The following ASB18 variants were observed in gnomAD, a reference collection of about 807,000 sequenced individuals.
ASB18 encodes the protein ankyrin repeat and SOCS box containing 18.
In ASB18, 33 loss-of-function variants were observed where a neutral mutation model predicts 33.4. The ratio of observed to expected loss-of-function variants is 0.99; its 90% CI spans 0.75 to 1.32. The LOEUF (loss-of-function observed/expected upper bound fraction) is 1.32, where lower values mean the gene tolerates loss of function less well. Ranked by LOEUF, ASB18 falls within the 40% of genes most tolerant of loss-of-function variation. ASB18 has a pLI of 0.00. For missense variants in ASB18, 694 were observed against 655.5 expected, an observed-to-expected ratio of 1.06 and a Z score of -0.64; for synonymous variants, 295 against 307.6, an observed-to-expected ratio of 0.96 and a Z score of 0.43.
intron 1 of ASB18, among the ~76,000 whole-genome samples, chr2:236,242,464 G>A (rs1364201817): frequency 1.3e-5 from 2 of 152,156 alleles, no homozygotes; most frequent in Non-Finnish European, 2.9e-5. Context: ...TGGGTGCTAT[G>A]AATTGTTTGT....
In ASB18 at chr2:236,263,385, G is replaced by T. The variant is rs1458265856; in HGVS notation, c.205+756C>A. ...CCTGCAAAGAAAGGATGGGCGACAG[G>T]CAGTGAAGAATTACCAGTGTGTGCT... On this transcript the variant is annotated intron_variant, in intron 1 of 5. Coordinates refer to ENST00000409749, the MANE Select transcript of ASB18 (RefSeq NM_212556.4). The surrounding 1 kb of genome is among the most constrained non-coding windows in gnomAD (Gnocchi z 4.0). Among the ~76,000 whole-genome samples the T allele has an allele frequency of 1.3e-5, 2 of 152,170 alleles. No homozygotes were observed. Among genetic ancestry groups the T allele is most frequent in the Non-Finnish European group, 2.9e-5 (2 of 68,028 alleles).
chr2:236,241,015 G>T lies in ASB18; in HGVS notation c.328+265C>A, dbSNP rs559160248. ...CGGGCAGCTCCACACCTAAACCAATGCTCCTTTGTAAAGACAAGAGGCACA... is the reference window on the plus strand; with the variant it reads ...CGGGCAGCTCCACACCTAAACCAATTCTCCTTTGTAAAGACAAGAGGCACA... On this transcript the variant is annotated intron_variant, in intron 2 of 5. Coordinates refer to ENST00000409749, the MANE Select transcript of ASB18 (RefSeq NM_212556.4). The surrounding 1 kb of genome is among the most constrained non-coding windows in gnomAD (Gnocchi z 4.2). 6.6e-6 allele frequency among the ~76,000 whole-genome samples: 1 copy of T among 152,234 alleles called. No homozygotes were observed. The highest frequency in any genetic ancestry group is 1.9e-4 in the East Asian group (1 of 5,170).
At chr2:236,258,769 C>A (rs961485561) in intron 1 of ASB18, among the ~76,000 whole-genome samples, 1 of 152,196 alleles carries the variant, frequency 6.6e-6, no homozygotes, top group African/African-American at 2.4e-5. Context: ...CCCACCTATA[C>A]ATGACGCTGG....
Position 236,238,266 on chromosome 2 carries a change from A to T in ASB18, c.329-310T>A, listed in dbSNP as rs1559335453. On this transcript the variant is annotated intron_variant, in intron 2 of 5. Transcript: ENST00000409749. This position sits in a 1 kb window ranked among gnomAD's most constrained non-coding sequence, Gnocchi z 5.2. Reference sequence around the variant, plus strand: ...TTGCCAAATACGGGGGTGACTGGGAAATGGGGTCAGTTAAAAGCTGTCCAA... The same window carrying T: ...TTGCCAAATACGGGGGTGACTGGGATATGGGGTCAGTTAAAAGCTGTCCAA... Among the ~76,000 whole-genome samples, 1 of 152,032 alleles carries T rather than the reference A, an allele frequency of 6.6e-6. No homozygotes were observed. Among genetic ancestry groups the T allele is most frequent in the Non-Finnish European group, 1.5e-5 (1 of 67,992 alleles).
At chr2:236,206,179 T>C (rs898980774) in intron 4 of ASB18, among the ~76,000 whole-genome samples, 2 of 147,362 alleles carry the variant, frequency 1.4e-5, no homozygotes, top group African/African-American at 5.3e-5. Flanking sequence ...CTTTCTCTTT[T>C]AGTTTCTTGG....
At position 236,237,361 on chromosome 2, in the gene ASB18, CGGGGGCCGGGGCCGGGGCGCG is replaced by C. The variant is rs2060597816; in HGVS notation, c.596+307_596+327del. Reference sequence around the variant, plus strand: ...CGGGGGCCGGGGCCGGGGCGCGGGGCGGGGGCCGGGGCCGGGGCGCGGGGCGGGGGCCGGGGCCGGGGCGCG... The same window carrying C: ...CGGGGGCCGGGGCCGGGGCGCGGGGCGGGCGGGGGCCGGGGCCGGGGCGCG... On this transcript the variant is annotated intron_variant, in intron 3 of 5. Transcript: ENST00000409749. The surrounding 1 kb of genome is among the most constrained non-coding windows in gnomAD (Gnocchi z 6.2). Among the ~76,000 whole-genome samples the C allele has an allele frequency of 2.5e-5, 3 of 120,398 alleles. No homozygotes were observed. Among genetic ancestry groups the C allele is most frequent in the African/African-American group, 3.5e-5 (1 of 28,388 alleles). The allele number at this position is 120,398 out of a possible 152,430, so 79.0% of individuals were successfully genotyped here.
rs1327005146 is a variant in ASB18 at position 236,251,473 on chromosome 2, C to G, written c.206-10071G>C. ...TTCAGACTGATTGTTTTTTATGAAT[C>G]TCACACAGGGAGCAAAATACTTCTC... On this transcript the variant is annotated intron_variant, in intron 1 of 5. Coordinates refer to ENST00000409749, the MANE Select transcript of ASB18 (RefSeq NM_212556.4). The surrounding 1 kb of genome is among the most constrained non-coding windows in gnomAD (Gnocchi z 5.3). 5.9e-5 allele frequency among the ~76,000 whole-genome samples: 9 copies of G among 152,178 alleles called. No homozygotes were observed. Among genetic ancestry groups the G allele is most frequent in the Non-Finnish European group, 1.2e-4 (8 of 68,034 alleles).
chr2:236,237,634 G>A lies in ASB18; in HGVS notation c.596+55C>T, dbSNP rs1039187297. 9.2e-6 allele frequency: 12 copies of A among 1,309,332 alleles called. No homozygotes were observed. The highest frequency in any genetic ancestry group is 1.9e-5 in the South Asian group (1 of 53,822). The allele number at this position is 1,309,332 out of a possible 1,614,324, so 81.1% of individuals were successfully genotyped here. On this transcript the variant is annotated intron_variant, in intron 3 of 5. Transcript: ENST00000409749. The surrounding 1 kb of genome is among the most constrained non-coding windows in gnomAD (Gnocchi z 6.2). ...GGTCGGCGGTCTCGTGGGGGGAGGC[G>A]GGCGTCTGGTCTCGGGGCGGGGCGG... is the stretch of plus-strand genomic sequence containing the variant.
Position 236,214,309 on chromosome 2 carries a change from A to C in ASB18, c.1101+53T>G. ...ATGCAACCCAGCTCCCAGGCCGGTC[A>C]CTAAGTGGCAAAACTCCAGGGCACG... On this transcript the variant is annotated intron_variant, in intron 4 of 5. Transcript: ENST00000409749. This position sits in a 1 kb window ranked among gnomAD's most constrained non-coding sequence, Gnocchi z 6.5. The C allele has an allele frequency of 6.5e-7, 1 of 1,530,430 alleles. No individual in the cohort carries two copies. Among genetic ancestry groups the C allele is most frequent in the African/African-American group, 1.4e-5 (1 of 71,938 alleles). The allele number at this position is 1,530,430 out of a possible 1,614,324, so 94.8% of individuals were successfully genotyped here.
Position 236,241,295 on chromosome 2 carries a change from T to C in ASB18, c.313A>G (p.Thr105Ala). 3.1e-6 allele frequency: 5 copies of C among 1,613,786 alleles called. No individual in the cohort carries two copies. Among genetic ancestry groups the C allele is most frequent in the Non-Finnish European group, 4.2e-6 (5 of 1,179,714 alleles). The change falls in exon 2 of 6, where the codon ACG becomes GCG. Residue 105 changes from threonine to alanine, a missense_variant. By Grantham distance (58) the Thr-to-Ala change is moderately conservative (BLOSUM62 0). Transcript: ENST00000409749. This position sits in a 1 kb window ranked among gnomAD's most constrained non-coding sequence, Gnocchi z 4.2. ...ACAAGGGTACCTGATAGTCCAAACG[T>C]GGCTGGAGATTTCACCTGCCATTCC... ...EMEWQVKSPA[T>A]FGLSGLWTLE...
rs1553600511 is a variant in ASB18, at chr2:236,217,424, A to AAAAATAAAT, written c.597-2559_597-2558insATTTATTTT. ...CGAGACTCTGTCTCAAAAAAAAAAA[A>AAAAATAAAT]AAATAAATCTTGGCACCTTCAACTC... On this transcript the variant is annotated intron_variant, in intron 3 of 5. Transcript: ENST00000409749. The surrounding 1 kb of genome is among the most constrained non-coding windows in gnomAD (Gnocchi z 5.2). 9.4e-4 allele frequency among the ~76,000 whole-genome samples: 141 copies of AAAAATAAAT among 150,400 alleles called. No individual in the cohort carries two copies. Among genetic ancestry groups the AAAAATAAAT allele is most frequent in the African/African-American group, 3.4e-3 (137 of 40,512 alleles).
At chr2:236,210,528 TCTC>T (rs1576396966) in intron 4 of ASB18, 1 of 152,190 alleles carries the variant, frequency 6.6e-6, no homozygotes, top group African/African-American at 2.4e-5. Flanking sequence ...GATCATGGCA[TCTC>T]CTCTGCCAGG....
chr2:236,206,775 G>A (rs560720658), intron 4 of ASB18, among the ~76,000 whole-genome samples: 1 of 152,350 alleles, frequency 6.6e-6, no homozygotes, highest in South Asian at 2.1e-4. Context: ...ATTCCAACAA[G>A]GGGAAGGTGA....
In ASB18 at chr2:236,195,918, AG is replaced by A. The variant is rs1264217153; in HGVS notation, c.1215+353del. On this transcript the variant is annotated intron_variant, in intron 5 of 5. Coordinates refer to ENST00000409749, the MANE Select transcript of ASB18 (RefSeq NM_212556.4). The surrounding 1 kb of genome is among the most constrained non-coding windows in gnomAD (Gnocchi z 5.5). ...CGTATCTTGAGCTGCTGGAGCATGA[AG>A]CTGACTCACAGGGCCGGATTAGTAT... 4 of 343,344 alleles carry A rather than the reference AG, an allele frequency of 1.2e-5. No individual in the cohort carries two copies. The highest frequency in any genetic ancestry group is 1.0e-3 in the Middle Eastern group (1 of 994). The allele number at this position is 343,344 out of a possible 1,614,324, so 21.3% of individuals were successfully genotyped here. A position where few individuals can be genotyped will look rare whatever the true frequency, so the allele number is the denominator to read the frequency against.
rs984736932 is a variant in ASB18, at chr2:236,234,022, C to G, written c.596+3667G>C. ...TATTATAAAGTTACAATATTCAAGA[C>G]AGTATGGTATTGGTGTTAAAACAGG... On this transcript the variant is annotated intron_variant, in intron 3 of 5. Transcript: ENST00000409749. This position sits in a 1 kb window ranked among gnomAD's most constrained non-coding sequence, Gnocchi z 4.1. Among the ~76,000 whole-genome samples, 1 of 152,176 alleles carries G rather than the reference C, an allele frequency of 6.6e-6. No homozygotes were observed. The highest frequency in any genetic ancestry group is 1.5e-5 in the Non-Finnish European group (1 of 68,036).
rs1281908856 is a variant in ASB18 at position 236,200,343 on chromosome 2, C to T, written c.1102-3958G>A. On this transcript the variant is annotated intron_variant, in intron 4 of 5. Coordinates refer to ENST00000409749, the MANE Select transcript of ASB18 (RefSeq NM_212556.4). This position sits in a 1 kb window ranked among gnomAD's most constrained non-coding sequence, Gnocchi z 4.2. ...CAGCCTGGGCGACAGAGCAAGACTC[C>T]GTCTAAAAAAAAAAGAGATGGCGAG... Among the ~76,000 whole-genome samples the T allele has an allele frequency of 5.9e-5, 9 of 151,336 alleles. No individual in the cohort carries two copies. The highest frequency in any genetic ancestry group is 8.8e-5 in the Non-Finnish European group (6 of 67,868).
chr2:236,214,951 A>G lies in ASB18; in HGVS notation c.597-85T>C, dbSNP rs960062838. On this transcript the variant is annotated intron_variant, in intron 3 of 5. Coordinates refer to ENST00000409749, the MANE Select transcript of ASB18 (RefSeq NM_212556.4). This position sits in a 1 kb window ranked among gnomAD's most constrained non-coding sequence, Gnocchi z 6.5. Reference sequence around the variant, plus strand: ...CCCGGCCTGCTGCTGCAAAATATCAAGTGACCTCTGAATGAAAAGACATGC... The same window carrying G: ...CCCGGCCTGCTGCTGCAAAATATCAGGTGACCTCTGAATGAAAAGACATGC... 7.4e-6 allele frequency: 8 copies of G among 1,076,996 alleles called. No homozygotes were observed. The highest frequency in any genetic ancestry group is 1.7e-5 in the African/African-American group (1 of 59,774). The allele number at this position is 1,076,996 out of a possible 1,614,324, so 66.7% of individuals were successfully genotyped here.
rs569373108 is a variant in ASB18 at position 236,262,697 on chromosome 2, A to C, written c.205+1444T>G. Reference sequence around the variant, plus strand: ...TGCTTGTGATGACAACCTCCCCTAAACCCCCCCCAGGGCAATCTTCTAGAG... The same window carrying C: ...TGCTTGTGATGACAACCTCCCCTAACCCCCCCCCAGGGCAATCTTCTAGAG... On this transcript the variant is annotated intron_variant, in intron 1 of 5. Coordinates refer to ENST00000409749, the MANE Select transcript of ASB18 (RefSeq NM_212556.4). This position sits in a 1 kb window ranked among gnomAD's most constrained non-coding sequence, Gnocchi z 5.2. 2.2e-4 allele frequency among the ~76,000 whole-genome samples: 33 copies of C among 150,468 alleles called. No individual in the cohort carries two copies. Among genetic ancestry groups the C allele is most frequent in the African/African-American group, 5.9e-4 (24 of 40,998 alleles).
intron 1 of ASB18, among the ~76,000 whole-genome samples, chr2:236,243,330 A>C (rs2060630642): frequency 2.0e-5 from 1 of 49,258 alleles, no homozygotes; most frequent in Non-Finnish European, 3.8e-5. Flanking sequence ...ACTCCATCTC[A>C]AAAAAAAAAA....
Sources: gnomAD v4.1 joint callset for allele counts (sites outside exome capture counted in the v4.1 genomes callset) on GRCh38, gnomAD v4.1.1 for gene constraint, Gnocchi (gnomAD v3.1) non-coding constraint, MANE v1.5 for transcripts, NCBI Gene and HGNC (gene_info 2026-07-23, HGNC 2026-07-21) for gene names.